Variants in SLC39A11 observed in about 807,000 individuals in gnomAD.
The protein encoded by SLC39A11 is solute carrier family 39 member 11.
Under a neutral mutation model 36.1 loss-of-function variants are expected in SLC39A11, and 33 were observed. The ratio of observed to expected loss-of-function variants is 0.91; its 90% CI spans 0.69 to 1.22. The LOEUF (loss-of-function observed/expected upper bound fraction) is 1.22. Ranked by LOEUF, SLC39A11 falls within the 50% of genes most tolerant of loss-of-function variation. SLC39A11 has a pLI of 0.00. For missense variants in SLC39A11, 432 were observed against 430.3 expected, an observed-to-expected ratio of 1.00 and a Z score of -0.03; for synonymous variants, 166 against 170.3, an observed-to-expected ratio of 0.97 and a Z score of 0.20.
At chr17:72,777,513 CCAGAGACATA>C in intron 6 of SLC39A11, among the ~76,000 whole-genome samples, 1 of 152,070 alleles carries the variant, frequency 6.6e-6, no homozygotes, top group Non-Finnish European at 1.5e-5. Context: ...AAACCGAAAC[CCAGAGACATA>C]CAGATACAGA....
At chr17:73,057,578 G>C (rs2059707466) in intron 3 of SLC39A11, among the ~76,000 whole-genome samples, 1 of 152,192 alleles carries the variant, frequency 6.6e-6, no homozygotes, top group Non-Finnish European at 1.5e-5. Context: ...TTATGGTTTG[G>C]TGAAAATCTT....
intron 6 of SLC39A11, among the ~76,000 whole-genome samples, chr17:72,787,574 G>T (rs980140004): frequency 6.6e-6 from 1 of 152,086 alleles, no homozygotes; most frequent in African/African-American, 2.4e-5. Flanking sequence ...GCTTTCAAGG[G>T]AATTTTACTC....
chr17:72,885,358 A>G (rs1163229164), intron 5 of SLC39A11, among the ~76,000 whole-genome samples: 1 of 152,130 alleles, frequency 6.6e-6, no homozygotes, highest in Non-Finnish European at 1.5e-5. Flanking sequence ...TAATAATTTG[A>G]TTAGTAATTT....
intron 6 of SLC39A11, among the ~76,000 whole-genome samples, chr17:72,831,303 A>T (rs7226260): frequency 0.6 from 91,347 of 151,446 alleles, 27,877 homozygotes; most frequent in Middle Eastern, 0.68. Context: ...GCTCTGCAGC[A>T]GAAAGGAAAT....
chr17:72,818,985 G>GAT (rs2077675982), intron 6 of SLC39A11: 1 of 151,820 alleles, frequency 6.6e-6, no homozygotes, highest in Non-Finnish European at 1.5e-5. Flanking sequence ...CTATTATAAG[G>GAT]TTTTTTTTAA....
chr17:73,000,733 G>A (rs2089774445), intron 4 of SLC39A11, among the ~76,000 whole-genome samples: 1 of 152,182 alleles, frequency 6.6e-6, no homozygotes, highest in South Asian at 2.1e-4. Context: ...GAGGCCAACT[G>A]AAGTTTTTTA....
chr17:73,047,520 C>T (rs1568184424), intron 3 of SLC39A11, among the ~76,000 whole-genome samples: 1 of 152,076 alleles, frequency 6.6e-6, no homozygotes, highest in Non-Finnish European at 1.5e-5. Context: ...TCTTAATCCT[C>T]CTAACACTAA....
At chr17:72,738,853 T>G (rs2074546884) in intron 6 of SLC39A11, among the ~76,000 whole-genome samples, 1 of 152,092 alleles carries the variant, frequency 6.6e-6, no homozygotes, top group Non-Finnish European at 1.5e-5. Flanking sequence ...TCCTGTCTGT[T>G]TGAAGTGGGT....
chr17:72,970,602 C>T (rs2087367491), intron 4 of SLC39A11, among the ~76,000 whole-genome samples: 2 of 152,174 alleles, frequency 1.3e-5, no homozygotes, highest in Non-Finnish European at 2.9e-5. Context: ...TTGCTGGGGG[C>T]AAACTCACTG....
chr17:73,053,177 C>T (rs1453267603), intron 3 of SLC39A11, among the ~76,000 whole-genome samples: 1 of 151,978 alleles, frequency 6.6e-6, no homozygotes. Flanking sequence ...CAGAGCGCGA[C>T]CCCATCTCAA....
chr17:72,756,929 C>T (rs1454879028), intron 6 of SLC39A11, among the ~76,000 whole-genome samples: 1 of 149,644 alleles, frequency 6.7e-6, no homozygotes, highest in Non-Finnish European at 1.5e-5. Context: ...GCAGGTGGAT[C>T]ACGAGGTCAG....
intron 6 of SLC39A11, among the ~76,000 whole-genome samples, chr17:72,786,574 G>T (rs1471529382): frequency 6.6e-6 from 1 of 152,116 alleles, no homozygotes; most frequent in Non-Finnish European, 1.5e-5. Context: ...ATGGCTGATG[G>T]ATCCCGGGGT....
intron 5 of SLC39A11, among the ~76,000 whole-genome samples, chr17:72,909,521 G>A (rs1414784653): frequency 1.3e-5 from 2 of 152,132 alleles, no homozygotes; most frequent in African/African-American, 2.4e-5. Context: ...CTTAAGCTGG[G>A]CTTCAGACAT....
At chr17:72,682,922 C>A (rs993072877) in intron 7 of SLC39A11, among the ~76,000 whole-genome samples, 1 of 152,186 alleles carries the variant, frequency 6.6e-6, no homozygotes, top group Non-Finnish European at 1.5e-5. Context: ...TCTTGAGGCA[C>A]CCATTTTGTC....
chr17:72,715,480 T>A (rs1419711781), intron 7 of SLC39A11, among the ~76,000 whole-genome samples: 1 of 152,058 alleles, frequency 6.6e-6, no homozygotes, highest in East Asian at 1.9e-4. Context: ...AGGAAGAAAA[T>A]TATGACACGT....
intron 4 of SLC39A11, among the ~76,000 whole-genome samples, chr17:72,983,134 TTTTG>T (rs376286446): frequency 9.3e-5 from 14 of 151,350 alleles, no homozygotes; most frequent in African/African-American, 2.7e-4. Flanking sequence ...TGTTGTTGTT[TTTTG>T]TTTGTTTATT....
At chr17:72,836,283 A>T (rs933412051) in intron 6 of SLC39A11, among the ~76,000 whole-genome samples, 7 of 152,124 alleles carry the variant, frequency 4.6e-5, no homozygotes, top group Non-Finnish European at 8.8e-5. Context: ...CACCAGTGAG[A>T]CACAACACAC....
intron 5 of SLC39A11, among the ~76,000 whole-genome samples, chr17:72,892,971 C>A (rs1376478925): frequency 6.6e-6 from 1 of 152,122 alleles, no homozygotes; most frequent in African/African-American, 2.4e-5. Context: ...TTAAATCAAT[C>A]ATCAGGAAAT....
chr17:73,031,865 CA>C, intron 3 of SLC39A11, 151 bp from the exon 4 acceptor site: 2 of 777,250 alleles, frequency 2.6e-6, no homozygotes, highest in Admixed American at 2.9e-5. Flanking sequence ...TATCAGAAAC[CA>C]AAAAGCCATC....
Sources: allele counts gnomAD v4.1 joint callset (sites outside exome capture counted in the v4.1 genomes callset), GRCh38; gene constraint gnomAD v4.1.1; transcripts MANE v1.5; gene names NCBI Gene and HGNC (gene_info 2026-07-23, HGNC 2026-07-21).